The following ODAD2 variants were observed in gnomAD, a reference collection of about 807,000 sequenced individuals.
The protein encoded by ODAD2 is outer dynein arm-docking complex subunit 2.
A neutral mutation model predicts 106.8 loss-of-function variants in ODAD2; 89 were observed. That is an observed-to-expected ratio of 0.83 (90% CI 0.70 to 0.99). ODAD2 has a LOEUF of 0.99. Among genes scored for constraint, ODAD2 ranks in the 50% least tolerant of loss-of-function variants. The pLI, the probability that ODAD2 is intolerant of heterozygous loss-of-function variation, is 0.00. For synonymous variants in ODAD2, 404 were observed against 436.2 expected, an observed-to-expected ratio of 0.93 and a Z score of 0.92; for missense variants, 1,168 against 1,238.5, an observed-to-expected ratio of 0.94 and a Z score of 0.85.
chr10:27,881,957 G>C (rs1209198698), intron 17 of ODAD2, among the ~76,000 whole-genome samples: 2 of 151,982 alleles, frequency 1.3e-5, no homozygotes, highest in Non-Finnish European at 2.9e-5. Context: ...CTTGAGCCCA[G>C]AAGTTCGAGA....
intron 8 of ODAD2, 113 bp from the exon 9 acceptor site, chr10:27,969,131 G>A (rs1274203266): frequency 3.2e-5 from 21 of 664,158 alleles, no homozygotes; most frequent in Non-Finnish European, 4.1e-5. Flanking sequence ...CAAATGATGC[G>A]TGTTCCTGAC....
intron 19 of ODAD2, among the ~76,000 whole-genome samples, chr10:27,841,418 C>T (rs1334723922): frequency 1.3e-5 from 2 of 149,076 alleles, no homozygotes; most frequent in African/African-American, 2.5e-5. Flanking sequence ...ATTTTTTTTT[C>T]GGAGTCTTGC....
At chr10:27,843,177 A>C (rs1217561800) in intron 19 of ODAD2, among the ~76,000 whole-genome samples, 2 of 152,236 alleles carry the variant, frequency 1.3e-5, no homozygotes, top group Non-Finnish European at 2.9e-5. Context: ...CTGGTGTCAT[A>C]GTTTATTTTT....
chr10:27,979,345 T>C (rs1475286036), intron 7 of ODAD2, among the ~76,000 whole-genome samples: 7 of 151,080 alleles, frequency 4.6e-5, no homozygotes. Flanking sequence ...AAAAAGAAAT[T>C]GCAAAAGAGT....
chr10:27,821,566 G>C (rs1230019840), intron 19 of ODAD2, among the ~76,000 whole-genome samples: 15 of 152,126 alleles, frequency 9.9e-5, no homozygotes, highest in Non-Finnish European at 2.2e-4. Context: ...ACAGAAAGTT[G>C]GTACAAAATC....
intron 16 of ODAD2, 70 bp downstream of exon 16, chr10:27,934,940 C>G: frequency 6.4e-7 from 1 of 1,552,804 alleles, no homozygotes; most frequent in Non-Finnish European, 8.8e-7. Flanking sequence ...AGTGATGACA[C>G]TATTCTGTGA....
At chr10:27,937,533 T>A (rs1478786418) in intron 14 of ODAD2, among the ~76,000 whole-genome samples, 2 of 152,164 alleles carry the variant, frequency 1.3e-5, no homozygotes, top group African/African-American at 4.8e-5. Context: ...AATATGCTTA[T>A]CCATGTTTGT....
intron 16 of ODAD2, among the ~76,000 whole-genome samples, chr10:27,920,420 A>G (rs1488257074): frequency 6.6e-6 from 1 of 152,218 alleles, no homozygotes; most frequent in East Asian, 1.9e-4. Context: ...TCATCTATTA[A>G]TATGCGTGCA....
chr10:27,916,805 T>A (rs1341404387), intron 16 of ODAD2, among the ~76,000 whole-genome samples: 1 of 152,158 alleles, frequency 6.6e-6, no homozygotes. Flanking sequence ...AGGCTATTAG[T>A]AGCTAAGTTT....
chr10:27,993,424 C>T (rs1435236454), intron 2 of ODAD2, among the ~76,000 whole-genome samples: 3 of 151,662 alleles, frequency 2.0e-5, no homozygotes, highest in Non-Finnish European at 2.9e-5. Context: ...CTGAGGCAGG[C>T]GGGTTGCCTG....
At chr10:27,881,803 G>T (rs1841727138) in intron 17 of ODAD2, among the ~76,000 whole-genome samples, 1 of 152,106 alleles carries the variant, frequency 6.6e-6, no homozygotes, top group Non-Finnish European at 1.5e-5. Context: ...GAGATTCAAA[G>T]ATAAATAAAA....
At chr10:27,871,857 A>G (rs1840921206) in intron 17 of ODAD2, among the ~76,000 whole-genome samples, 1 of 152,184 alleles carries the variant, frequency 6.6e-6, no homozygotes, top group African/African-American at 2.4e-5. Context: ...TTGGTTCCAC[A>G]TGAACTTTAC....
At chr10:27,925,958 A>T (rs1845226466) in intron 16 of ODAD2, among the ~76,000 whole-genome samples, 1 of 148,942 alleles carries the variant, frequency 6.7e-6, no homozygotes, top group Non-Finnish European at 1.5e-5. Context: ...GTGAGCCAAG[A>T]TGGTGCCACT....
intron 15 of ODAD2, among the ~76,000 whole-genome samples, chr10:27,935,699 G>A (rs1198025756): frequency 5.0e-5 from 5 of 99,022 alleles, no homozygotes; most frequent in Admixed American, 1.1e-4. Flanking sequence ...TGTGCTACTT[G>A]GATAAAAAAA....
intron 19 of ODAD2, among the ~76,000 whole-genome samples, chr10:27,845,348 A>T (rs1162889644): frequency 6.6e-6 from 1 of 152,206 alleles, no homozygotes; most frequent in Non-Finnish European, 1.5e-5. Flanking sequence ...GAGAAATAAA[A>T]TCCTTTACAG....
chr10:27,885,897 A>ATATATAAAAATATATATATATTTT (rs1564467183), intron 17 of ODAD2, among the ~76,000 whole-genome samples: 1 of 122,242 alleles, frequency 8.2e-6, no homozygotes, highest in African/African-American at 3.1e-5. Flanking sequence ...ATATATATTT[A>ATATATAAAAATATATATATATTTT]TATATAAAAA....
intron 16 of ODAD2, among the ~76,000 whole-genome samples, chr10:27,909,068 C>T (rs558530645): frequency 6.6e-6 from 1 of 152,268 alleles, no homozygotes; most frequent in African/African-American, 2.4e-5. Context: ...GAAGGATTTG[C>T]TTTTCAAATT....
intron 18 of ODAD2, among the ~76,000 whole-genome samples, chr10:27,861,575 A>C (rs1840042211): frequency 6.6e-6 from 1 of 152,230 alleles, no homozygotes; most frequent in South Asian, 2.1e-4. Flanking sequence ...CACCCTAGGA[A>C]TACATTGATA....
At chr10:27,941,643 T>G (rs549471856) in intron 12 of ODAD2, among the ~76,000 whole-genome samples, 83 of 144,748 alleles carry the variant, frequency 5.7e-4, no homozygotes, top group Middle Eastern at 7.6e-3. Flanking sequence ...CTGAAGATCT[T>G]AAGGGAAAGG....
Sources: gnomAD v4.1 joint callset for allele counts (sites outside exome capture counted in the v4.1 genomes callset) on GRCh38, gnomAD v4.1.1 for gene constraint, MANE v1.5 for transcripts, NCBI Gene and HGNC (gene_info 2026-07-23, HGNC 2026-07-21) for gene names.